MDGA2: variants seen among roughly 807,000 people sequenced by gnomAD.
MDGA2 encodes MAM domain containing glycosylphosphatidylinositol anchor 2.
MDGA2 carries 40 observed loss-of-function variants against 117.8 expected under a neutral mutation model. The observed-to-expected ratio is 0.34, with a 90% CI of 0.26 to 0.44. The LOEUF is 0.44. Ranked by LOEUF, MDGA2 falls within the 20% of genes least tolerant of loss-of-function variation. The probability of loss-of-function intolerance (pLI) is 1.00; values close to 1 mark genes in which losing one functional copy is unlikely to be tolerated. For missense variants in MDGA2, 1,123 were observed against 1,250.6 expected (o/e 0.90, Z 1.54); for synonymous variants, 452 against 439.0 (o/e 1.03, Z -0.37).
intron 3 of MDGA2, among the ~76,000 whole-genome samples, chr14:47,156,253 T>C (rs950299117): frequency 6.6e-6 from 1 of 152,180 alleles, no homozygotes; most frequent in Non-Finnish European, 1.5e-5. Flanking sequence ...CAGAAGGTTT[T>C]CATTTAAGCT....
chr14:47,245,905 T>A (rs1048840712), intron 2 of MDGA2, among the ~76,000 whole-genome samples: 2 of 151,888 alleles, frequency 1.3e-5, no homozygotes, highest in South Asian at 2.1e-4. Context: ...CATTTAATAC[T>A]CACAACAACT....
At chr14:47,153,063 T>C (rs1333333712) in intron 3 of MDGA2, among the ~76,000 whole-genome samples, 2 of 152,192 alleles carry the variant, frequency 1.3e-5, no homozygotes, top group Admixed American at 6.5e-5. Flanking sequence ...TAATTTGGTA[T>C]GATGTTTGAG....
At chr14:47,123,131 A>C (rs1035376427) in intron 5 of MDGA2, among the ~76,000 whole-genome samples, 8 of 152,010 alleles carry the variant, frequency 5.3e-5, no homozygotes, top group African/African-American at 1.4e-4. Flanking sequence ...CATTTGACTA[A>C]GGCTGTTTAT....
intron 1 of MDGA2, among the ~76,000 whole-genome samples, chr14:47,585,464 A>T (rs895116427): frequency 3.9e-5 from 6 of 151,974 alleles, no homozygotes; most frequent in Admixed American, 1.3e-4. Flanking sequence ...ATAACAATAC[A>T]CATTTCGGAA....
chr14:47,034,366 G>T (rs1044727253), intron 8 of MDGA2, among the ~76,000 whole-genome samples: 5 of 152,032 alleles, frequency 3.3e-5, no homozygotes, highest in Non-Finnish European at 7.4e-5. Flanking sequence ...AGTTTAAAAT[G>T]TATCTTATTC....
At chr14:47,603,127 CACAACTCTCTAAGTA>C (rs1204271113) in intron 1 of MDGA2, among the ~76,000 whole-genome samples, 1 of 152,088 alleles carries the variant, frequency 6.6e-6, no homozygotes, top group Non-Finnish European at 1.5e-5. Flanking sequence ...GAATTGGGAC[CACAACTCTCTAAGTA>C]ACAACACAGT....
intron 1 of MDGA2, among the ~76,000 whole-genome samples, chr14:47,488,611 C>T (rs1188536173): frequency 2.0e-5 from 3 of 152,054 alleles, no homozygotes; most frequent in Non-Finnish European, 2.9e-5. Context: ...AGAAACACCT[C>T]ATAAATGCAA....
intron 8 of MDGA2, among the ~76,000 whole-genome samples, chr14:46,982,200 C>T (rs377661696): frequency 9.5e-4 from 144 of 152,138 alleles, no homozygotes; most frequent in African/African-American, 3.2e-3. Flanking sequence ...CCATATCATA[C>T]GAGTACTAAC....
chr14:47,364,520 TC>T (rs1891190958), intron 1 of MDGA2, among the ~76,000 whole-genome samples: 1 of 152,154 alleles, frequency 6.6e-6, no homozygotes, highest in South Asian at 2.1e-4. Flanking sequence ...CGCCTCGGCC[TC>T]CCAACGTGCT....
chr14:46,885,241 A>C (rs138258938), intron 10 of MDGA2, among the ~76,000 whole-genome samples: 150 of 152,246 alleles, frequency 9.9e-4, no homozygotes, highest in African/African-American at 3.4e-3. Flanking sequence ...ATTAAATATA[A>C]ACTTTCAAGT....
intron 3 of MDGA2, among the ~76,000 whole-genome samples, chr14:47,192,170 CAAG>C (rs1375301460): frequency 6.6e-6 from 1 of 152,094 alleles, no homozygotes; most frequent in Non-Finnish European, 1.5e-5. Flanking sequence ...TTGTGACAGA[CAAG>C]AAGAGAAACA....
intron 7 of MDGA2, among the ~76,000 whole-genome samples, chr14:47,035,670 G>A (rs1285716529): frequency 6.6e-6 from 1 of 151,878 alleles, no homozygotes; most frequent in African/African-American, 2.4e-5. Flanking sequence ...CACAATAAGT[G>A]CAAGTAGTCA....
At chr14:47,603,663 T>C (rs1450295490) in intron 1 of MDGA2, among the ~76,000 whole-genome samples, 1 of 152,136 alleles carries the variant, frequency 6.6e-6, no homozygotes, top group African/African-American at 2.4e-5. Context: ...TTCTGCTCTC[T>C]TCCCTTCCTC....
At chr14:47,210,825 C>T (rs1018450522) in intron 3 of MDGA2, among the ~76,000 whole-genome samples, 1 of 152,050 alleles carries the variant, frequency 6.6e-6, no homozygotes, top group African/African-American at 2.4e-5. Flanking sequence ...TTGAGACCAG[C>T]TTGAGCAACA....
intron 1 of MDGA2, among the ~76,000 whole-genome samples, chr14:47,499,796 A>G (rs749840764): frequency 7.9e-5 from 12 of 152,140 alleles, no homozygotes; most frequent in Non-Finnish European, 1.6e-4. Flanking sequence ...CTGCGATTCC[A>G]TGCTTGAGAA....
At chr14:47,154,302 A>T (rs1883279527) in intron 3 of MDGA2, among the ~76,000 whole-genome samples, 1 of 152,192 alleles carries the variant, frequency 6.6e-6, no homozygotes, top group African/African-American at 2.4e-5. Context: ...CAGTGGCCCC[A>T]TTTGGAGTGG....
At position 47,218,010 on chromosome 14, in the gene MDGA2, A is replaced by T. The variant is rs758019579; in HGVS notation, c.595+11T>A. 106 of 1,504,266 alleles carry T rather than the reference A, an allele frequency of 7.0e-5. No homozygotes were observed. Among genetic ancestry groups the T allele is most frequent in the Non-Finnish European group, 5.9e-5 (66 of 1,123,380 alleles). The allele number at this position is 1,504,266 out of a possible 1,614,324, so 93.2% of individuals were successfully genotyped here. On this transcript the variant is annotated intron_variant, in intron 3 of 16. Transcript: ENST00000399232. ...TAGGCTTAATTATAGTTTTCTGGAAAATTTACTTACAGTATACATCCACTC... is the reference window on the plus strand; with the variant it reads ...TAGGCTTAATTATAGTTTTCTGGAATATTTACTTACAGTATACATCCACTC...
intron 8 of MDGA2, among the ~76,000 whole-genome samples, chr14:47,025,396 C>T (rs1035844432): frequency 2.0e-5 from 3 of 152,090 alleles, no homozygotes; most frequent in Admixed American, 2.0e-4. Context: ...TGGCATGTCT[C>T]TTCAAGGACC....
chr14:47,589,360 T>C (rs1240217434), intron 1 of MDGA2, among the ~76,000 whole-genome samples: 2 of 152,026 alleles, frequency 1.3e-5, no homozygotes, highest in Non-Finnish European at 2.9e-5. Flanking sequence ...TTTCTGCATA[T>C]GGTGTAAAGG....
Sources: allele counts gnomAD v4.1 joint callset (sites outside exome capture counted in the v4.1 genomes callset), GRCh38; gene constraint gnomAD v4.1.1; transcripts MANE v1.5; gene names NCBI Gene and HGNC (gene_info 2026-07-23, HGNC 2026-07-21).